The following MAF variants were observed in gnomAD, a reference collection of about 807,000 sequenced individuals.
MAF encodes the protein transcription factor Maf.
In MAF, 10 loss-of-function variants were observed where a neutral mutation model predicts 22.0. The observed-to-expected ratio is 0.45, with a 90% CI of 0.28 to 0.77. MAF has a LOEUF of 0.77. Among genes scored for constraint, MAF ranks in the 30% least tolerant of loss-of-function variants. MAF has a pLI of 0.12. For missense variants in MAF, 544 were observed against 548.4 expected (o/e 0.99, Z 0.08); for synonymous variants, 337 against 255.8 (o/e 1.32, Z -3.03).
the MAF span, among the ~76,000 whole-genome samples, chr16:79,222,964 A>C: frequency 6.6e-6 from 1 of 152,210 alleles, no homozygotes; most frequent in South Asian, 2.1e-4. Flanking sequence ...TATCGACGAG[A>C]CAGAAAATTA....
chr16:79,446,929 A>T, the MAF span, among the ~76,000 whole-genome samples: 1 of 152,204 alleles, frequency 6.6e-6, no homozygotes, highest in South Asian at 2.1e-4. Context: ...AAAAATTAAA[A>T]AAAAGAGAGA....
At chr16:79,341,259 T>C in the MAF span, among the ~76,000 whole-genome samples, 3 of 152,214 alleles carry the variant, frequency 2.0e-5, no homozygotes, top group Non-Finnish European at 4.4e-5. Context: ...AGATGCCCTG[T>C]ACCTCAGTTT....
the MAF span, among the ~76,000 whole-genome samples, chr16:79,426,559 G>A: frequency 6.6e-6 from 1 of 152,044 alleles, no homozygotes. Context: ...CCTGTATCAG[G>A]TGAGACTCTG....
chr16:79,337,691 C>T, the MAF span, among the ~76,000 whole-genome samples: 2 of 152,138 alleles, frequency 1.3e-5, no homozygotes, highest in African/African-American at 4.8e-5. Context: ...AGCAGGTGCT[C>T]ACACACACAA....
the MAF span, among the ~76,000 whole-genome samples, chr16:79,496,312 T>C: frequency 1.3e-5 from 2 of 152,196 alleles, no homozygotes; most frequent in Non-Finnish European, 2.9e-5. Context: ...AGATTGCAGA[T>C]GGTATTGTAA....
chr16:79,477,912 C>T, the MAF span, among the ~76,000 whole-genome samples: 14 of 151,612 alleles, frequency 9.2e-5, no homozygotes, highest in East Asian at 7.8e-4. Context: ...TTAGTAGAGA[C>T]GGGGTTTCAC....
chr16:79,417,214 A>G, the MAF span, among the ~76,000 whole-genome samples: 1 of 152,022 alleles, frequency 6.6e-6, no homozygotes, highest in Non-Finnish European at 1.5e-5. Flanking sequence ...TCTTTAATGG[A>G]CTCTGGGTGC....
chr16:79,255,192 C>T, the MAF span, among the ~76,000 whole-genome samples: 37 of 152,320 alleles, frequency 2.4e-4, no homozygotes, highest in African/African-American at 8.4e-4. Context: ...CTGACACACA[C>T]GTTTGACTGA....
the MAF span, among the ~76,000 whole-genome samples, chr16:79,265,273 A>G: frequency 6.6e-6 from 1 of 152,208 alleles, no homozygotes; most frequent in African/African-American, 2.4e-5. Flanking sequence ...TGTAAAGACA[A>G]TACTTTAATC....
chr16:79,518,630 C>A, the MAF span, among the ~76,000 whole-genome samples: 2 of 152,232 alleles, frequency 1.3e-5, no homozygotes, highest in Non-Finnish European at 1.5e-5. Context: ...GCTGATAACA[C>A]TTTACATAGT....
chr16:79,475,452 C>T, the MAF span, among the ~76,000 whole-genome samples: 1 of 151,632 alleles, frequency 6.6e-6, no homozygotes, highest in Non-Finnish European at 1.5e-5. Context: ...GAACAATGCA[C>T]TTCACTCTTT....
the MAF span, among the ~76,000 whole-genome samples, chr16:79,259,882 A>G: frequency 0.062 from 9,463 of 152,048 alleles, 997 homozygotes; most frequent in African/African-American, 0.22. Context: ...TAGGGATGAT[A>G]ATGCTCAGAA....
chr16:79,340,713 C>A, the MAF span, among the ~76,000 whole-genome samples: 1 of 151,984 alleles, frequency 6.6e-6, no homozygotes, highest in South Asian at 2.1e-4. Context: ...TGGGGAGCAG[C>A]ATCCCTGGCC....
chr16:79,558,289 GAGAA>G, the MAF span, among the ~76,000 whole-genome samples: 1 of 152,128 alleles, frequency 6.6e-6, no homozygotes, highest in African/African-American at 2.4e-5. Context: ...GAACTATAAA[GAGAA>G]AGAAGAAAGA....
the MAF span, among the ~76,000 whole-genome samples, chr16:79,293,729 T>C: frequency 6.6e-6 from 1 of 152,148 alleles, no homozygotes; most frequent in East Asian, 1.9e-4. Flanking sequence ...GTAGTGTGTC[T>C]GTGAAGGGGA....
At chr16:79,576,225 T>G in the MAF span, among the ~76,000 whole-genome samples, 1 of 114,174 alleles carries the variant, frequency 8.8e-6, no homozygotes, top group African/African-American at 3.5e-5. Flanking sequence ...AAGAGTCCTG[T>G]GGTACTAAAA....
chr16:79,595,240 GC>G, intron 1 of MAF: 1 of 1,045,492 alleles, frequency 9.6e-7, no homozygotes, highest in South Asian at 4.6e-5. Flanking sequence ...GGATTCAGGA[GC>G]CTGTCTAAAC....
At chr16:79,276,543 T>G in the MAF span, among the ~76,000 whole-genome samples, 2 of 152,030 alleles carry the variant, frequency 1.3e-5, no homozygotes, top group Non-Finnish European at 2.9e-5. Context: ...AAAATTTGGG[T>G]GGAAACCAAA....
chr16:79,574,615 A>T, the MAF span, among the ~76,000 whole-genome samples: 1 of 152,068 alleles, frequency 6.6e-6, no homozygotes, highest in Non-Finnish European at 1.5e-5. Flanking sequence ...CCATTTTCCA[A>T]AAGAGAAGAG....
Sources: gnomAD v4.1 joint callset for allele counts (sites outside exome capture counted in the v4.1 genomes callset) on GRCh38, gnomAD v4.1.1 for gene constraint, MANE v1.5 for transcripts, NCBI Gene and HGNC (gene_info 2026-07-23, HGNC 2026-07-21) for gene names.